Variants in MED12L observed in about 807,000 individuals in gnomAD.
MED12L encodes mediator of RNA polymerase II transcription subunit 12-like protein.
A neutral mutation model predicts 281.3 loss-of-function variants in MED12L; 60 were observed. The ratio of observed to expected loss-of-function variants is 0.21; its 90% CI spans 0.17 to 0.26. The LOEUF (loss-of-function observed/expected upper bound fraction) is 0.26. Ranked by LOEUF, MED12L falls within the 10% of genes least tolerant of loss-of-function variation. The pLI, the probability that MED12L is intolerant of heterozygous loss-of-function variation, is 1.00. For synonymous variants in MED12L, 974 were observed against 987.2 expected (o/e 0.99, Z 0.25); for missense variants, 2,146 against 2,680.9 (o/e 0.80, Z 4.41).
At chr3:151,184,603 A>C (rs1014042907) in intron 11 of MED12L, among the ~76,000 whole-genome samples, 1 of 152,114 alleles carries the variant, frequency 6.6e-6, no homozygotes, top group Non-Finnish European at 1.5e-5. Flanking sequence ...TCCGCGACTC[A>C]TGTCATTTGG....
intron 4 of MED12L, among the ~76,000 whole-genome samples, chr3:151,127,575 C>A (rs1265895891): frequency 1.3e-5 from 2 of 152,048 alleles, no homozygotes; most frequent in Admixed American, 1.3e-4. Context: ...ATGGAAAGCA[C>A]AACTAGTGAA....
At chr3:151,286,347 A>G (rs1386858649) in intron 16 of MED12L, among the ~76,000 whole-genome samples, 2 of 152,254 alleles carry the variant, frequency 1.3e-5, no homozygotes, top group Non-Finnish European at 2.9e-5. Context: ...TTTGGAGTAG[A>G]GAAAAAATAT....
At chr3:151,320,921 A>G (rs1388057126) in intron 16 of MED12L, among the ~76,000 whole-genome samples, 1 of 152,218 alleles carries the variant, frequency 6.6e-6, no homozygotes, top group Non-Finnish European at 1.5e-5. Flanking sequence ...TGAGCATGGC[A>G]ATGCCTGCCA....
intron 16 of MED12L, among the ~76,000 whole-genome samples, chr3:151,300,515 C>T (rs1160147756): frequency 6.6e-6 from 1 of 152,210 alleles, no homozygotes; most frequent in African/African-American, 2.4e-5. Context: ...CACCCCTTCC[C>T]CTGCAGCTGG....
intron 16 of MED12L, among the ~76,000 whole-genome samples, chr3:151,244,740 T>C (rs1489483040): frequency 6.6e-6 from 1 of 151,786 alleles, no homozygotes; most frequent in Admixed American, 6.6e-5. Flanking sequence ...ATTCAAAAGC[T>C]AGCAGAAGGC....
chr3:151,198,361 T>G, intron 16 of MED12L: 1 of 1,201,302 alleles, frequency 8.3e-7, no homozygotes, highest in African/African-American at 1.5e-5. Flanking sequence ...TTTTTTATCT[T>G]TCAAAGCTAT....
At chr3:151,229,259 A>G (rs563225073) in intron 16 of MED12L, among the ~76,000 whole-genome samples, 7 of 150,036 alleles carry the variant, frequency 4.7e-5, no homozygotes, top group Non-Finnish European at 1.0e-4. Context: ...GGGTTCTTTG[A>G]TTTTAATAAA....
intron 11 of MED12L, 24 bp from the exon 12 acceptor site, chr3:151,185,306 G>T (rs372663746): frequency 6.2e-7 from 1 of 1,610,520 alleles, no homozygotes; most frequent in African/African-American, 1.3e-5. Context: ...GATGTGGCTG[G>T]TACCCCTCTC....
chr3:151,115,345 T>C (rs1712579259), intron 2 of MED12L, among the ~76,000 whole-genome samples: 1 of 64,420 alleles, frequency 1.6e-5, no homozygotes, highest in African/African-American at 6.8e-5. Context: ...TTTTTTTTTT[T>C]TTTTTTTTTT....
chr3:151,245,227 C>A (rs1735146403), intron 16 of MED12L, among the ~76,000 whole-genome samples: 1 of 152,190 alleles, frequency 6.6e-6, no homozygotes, highest in Non-Finnish European at 1.5e-5. Flanking sequence ...TGAAACTACT[C>A]CAATCAATAG....
chr3:151,163,955 C>G lies in MED12L; in HGVS notation c.1170C>G (p.Ser390Arg). ...ATTATTCCACAAATGAAAATAAGAG[C>G]GCAAACCCAGGCTCACCCCTGGATC... ...VWNYSTNENK[S>R]ANPGSPLDLL... The change falls in exon 9 of 45, where the codon AGC becomes AGG. Residue 390 changes from serine (S) to arginine (R), a missense_variant. This residue lies in a region of MED12L where 722 missense variants were observed against 861.2 expected (regional missense o/e 0.84). Coordinates refer to ENST00000687756, the MANE Select transcript of MED12L (RefSeq NM_001393769.1). 6.2e-7 allele frequency: 1 copy of G among 1,613,556 alleles called. No individual in the cohort carries two copies. Among genetic ancestry groups the G allele is most frequent in the Non-Finnish European group, 8.5e-7 (1 of 1,179,738 alleles).
chr3:151,417,404 G>A (rs1176091950), intron 43 of MED12L, among the ~76,000 whole-genome samples: 1 of 151,630 alleles, frequency 6.6e-6, no homozygotes, highest in East Asian at 1.9e-4. Context: ...CCAGAACATG[G>A]TCAACTGGAA....
intron 21 of MED12L, among the ~76,000 whole-genome samples, chr3:151,362,510 T>A (rs547889550): frequency 5.3e-4 from 81 of 152,230 alleles, no homozygotes; most frequent in Non-Finnish European, 1.1e-3. Flanking sequence ...CACTCACGAC[T>A]GTCTCCCTGA....
intron 27 of MED12L, 131 bp downstream of exon 27, chr3:151,372,897 A>C: frequency 1.6e-6 from 1 of 636,962 alleles, no homozygotes; most frequent in Non-Finnish European, 2.6e-6. Context: ...AAATAATTTT[A>C]AGTTTGCTGA....
chr3:151,242,457 T>TTCCTGAC (rs1734381609), intron 16 of MED12L, among the ~76,000 whole-genome samples: 1 of 151,394 alleles, frequency 6.6e-6, no homozygotes, highest in Non-Finnish European at 1.5e-5. Context: ...CTCAAGTGGG[T>TTCCTGAC]CCCTGACCCC....
chr3:151,216,715 C>G (rs887430610), intron 16 of MED12L, among the ~76,000 whole-genome samples: 1 of 152,132 alleles, frequency 6.6e-6, no homozygotes, highest in Admixed American at 6.5e-5. Context: ...TGGGTTTGTA[C>G]TCATTTGCTT....
intron 39 of MED12L, among the ~76,000 whole-genome samples, chr3:151,398,381 T>TC (rs1715250261): frequency 6.6e-6 from 1 of 152,214 alleles, no homozygotes; most frequent in African/African-American, 2.4e-5. Flanking sequence ...CATCCAGCCT[T>TC]CAGTGATACA....
chr3:151,319,609 G>T (rs1225250123), intron 16 of MED12L, among the ~76,000 whole-genome samples: 1 of 151,844 alleles, frequency 6.6e-6, no homozygotes, highest in African/African-American at 2.4e-5. Flanking sequence ...CAAACAAATT[G>T]AAAGAATTGT....
At chr3:151,378,246 GTGTGGTCAC>G in intron 31 of MED12L, 73 bp downstream of exon 31, 1 of 1,413,910 alleles carries the variant, frequency 7.1e-7, no homozygotes, top group Non-Finnish European at 9.4e-7. Flanking sequence ...CTGTAAACCT[GTGTGGTCAC>G]TGTACCCACA....
Sources: gnomAD v4.1 joint callset for allele counts (sites outside exome capture counted in the v4.1 genomes callset) on GRCh38, gnomAD v4.1.1 for gene constraint, gnomAD v4.1.1 regional missense constraint, MANE v1.5 for transcripts, NCBI Gene and HGNC (gene_info 2026-07-23, HGNC 2026-07-21) for gene names.